The following IMMP2L variants were observed in gnomAD, a reference collection of about 807,000 sequenced individuals.
IMMP2L encodes the protein mitochondrial inner membrane protease subunit 2.
In IMMP2L, 18 loss-of-function variants were observed where a neutral mutation model predicts 19.3. The ratio of observed to expected loss-of-function variants is 0.93; its 90% CI spans 0.64 to 1.38. The LOEUF is 1.38. Among genes scored for constraint, IMMP2L ranks in the 40% most tolerant of loss-of-function variants. The pLI is 0.00. For synonymous variants in IMMP2L, 76 were observed against 73.0 expected, an observed-to-expected ratio of 1.04 and a Z score of -0.21; for missense variants, 233 against 218.2, an observed-to-expected ratio of 1.07 and a Z score of -0.43.
chr7:110,992,274 C>T (rs555417712), intron 3 of IMMP2L, among the ~76,000 whole-genome samples: 1 of 152,042 alleles, frequency 6.6e-6, no homozygotes, highest in East Asian at 1.9e-4. Flanking sequence ...TGGCAACATG[C>T]TTACTAAAGT....
chr7:110,751,146 T>C (rs1215340627), intron 5 of IMMP2L, among the ~76,000 whole-genome samples: 2 of 151,810 alleles, frequency 1.3e-5, no homozygotes, highest in African/African-American at 4.8e-5. Context: ...ATCTTTCCAC[T>C]TCGTCCCTCA....
At chr7:110,680,988 C>T (rs1438216662) in intron 5 of IMMP2L, among the ~76,000 whole-genome samples, 2 of 151,874 alleles carry the variant, frequency 1.3e-5, no homozygotes, top group East Asian at 3.9e-4. Flanking sequence ...GTTTTCGTTG[C>T]AATTTTTCTG....
intron 3 of IMMP2L, among the ~76,000 whole-genome samples, chr7:111,281,635 C>G (rs1042460245): frequency 6.6e-6 from 1 of 152,090 alleles, no homozygotes; most frequent in African/African-American, 2.4e-5. Flanking sequence ...TTATTTTTGT[C>G]AAAACTAAGA....
At chr7:110,987,900 T>C (rs1210328252) in intron 3 of IMMP2L, among the ~76,000 whole-genome samples, 12 of 152,136 alleles carry the variant, frequency 7.9e-5, no homozygotes, top group Admixed American at 7.9e-4. Flanking sequence ...AATAGTCTAC[T>C]AAAATAAAAA....
intron 3 of IMMP2L, among the ~76,000 whole-genome samples, chr7:111,079,140 C>A (rs1374542816): frequency 6.8e-6 from 1 of 147,028 alleles, no homozygotes; most frequent in Non-Finnish European, 1.5e-5. Flanking sequence ...TTTTTTGAGA[C>A]GGAGTCTCGC....
rs527548518 is a variant in IMMP2L, at chr7:110,693,918, A to G, written c.409-30197T>C. Among the ~76,000 whole-genome samples, 4 of 152,096 alleles carry G rather than the reference A, an allele frequency of 2.6e-5. No individual in the cohort carries two copies. In the East Asian group the frequency reaches 5.8e-4, roughly 22 times the overall value. Reference sequence around the variant, plus strand: ...CAATAATGCAAGGGAGGCTATAGAGACCCTCGCAAGTGGGAGGCCATGTGT... The same window carrying G: ...CAATAATGCAAGGGAGGCTATAGAGGCCCTCGCAAGTGGGAGGCCATGTGT... On this transcript the variant is annotated intron_variant, in intron 5 of 5. Coordinates refer to ENST00000405709, the MANE Select transcript of IMMP2L (RefSeq NM_032549.4).
chr7:111,267,592 C>G (rs1340401191), intron 3 of IMMP2L, among the ~76,000 whole-genome samples: 1 of 152,154 alleles, frequency 6.6e-6, no homozygotes, highest in Non-Finnish European at 1.5e-5. Flanking sequence ...TCCCAATTCT[C>G]TCACCGATTT....
intron 3 of IMMP2L, among the ~76,000 whole-genome samples, chr7:111,032,184 G>A (rs1051475504): frequency 3.3e-5 from 5 of 152,030 alleles, no homozygotes; most frequent in Admixed American, 2.0e-4. Context: ...TAAGGTATCC[G>A]CCTATCTTGG....
intron 3 of IMMP2L, among the ~76,000 whole-genome samples, chr7:111,443,839 G>C (rs1166683203): frequency 6.6e-6 from 1 of 151,964 alleles, no homozygotes; most frequent in East Asian, 1.9e-4. Flanking sequence ...GAAAGGGGTG[G>C]AAAGTTAAAA....
chr7:111,465,387 T>C (rs535149446), intron 3 of IMMP2L, among the ~76,000 whole-genome samples: 2 of 151,766 alleles, frequency 1.3e-5, no homozygotes, highest in East Asian at 1.9e-4. Context: ...AAACCCCTAC[T>C]TCAGCCAAAG....
chr7:111,289,904 A>G (rs1392926261), intron 3 of IMMP2L, among the ~76,000 whole-genome samples: 1 of 152,004 alleles, frequency 6.6e-6, no homozygotes, highest in Non-Finnish European at 1.5e-5. Context: ...CATAAATTTA[A>G]AGGCCATTTG....
chr7:110,768,330 G>A (rs942715242), intron 5 of IMMP2L, among the ~76,000 whole-genome samples: 1 of 149,184 alleles, frequency 6.7e-6, no homozygotes, highest in Non-Finnish European at 1.5e-5. Flanking sequence ...AAAAAAGAAT[G>A]ACCACAGTAA....
chr7:111,362,727 TCAATACCAATAC>T (rs200641387), intron 3 of IMMP2L, among the ~76,000 whole-genome samples: 1 of 152,090 alleles, frequency 6.6e-6, no homozygotes, highest in Non-Finnish European at 1.5e-5. Context: ...ATTCACTTTT[TCAATACCAATAC>T]CAATACCAAT....
intron 5 of IMMP2L, among the ~76,000 whole-genome samples, chr7:110,665,627 G>C (rs1452436816): frequency 2.0e-5 from 3 of 152,110 alleles, no homozygotes; most frequent in African/African-American, 7.2e-5. Context: ...AAGCTGCCTT[G>C]TAAAATGTCA....
rs1385719101 is a variant in IMMP2L, at chr7:110,849,798, G to T, written c.408+36795C>A. 2.0e-5 allele frequency among the ~76,000 whole-genome samples: 3 copies of T among 152,058 alleles called. No individual in the cohort carries two copies. The East Asian group carries it at 5.8e-4, about 29-fold the overall frequency. ...TTTTAACCCACTAATTCTACCTCTA[G>T]AAATCTGCTTTATGGTAGTTATCAG... On this transcript the variant is annotated intron_variant, in intron 5 of 5. Coordinates refer to ENST00000405709, the MANE Select transcript of IMMP2L (RefSeq NM_032549.4).
chr7:110,979,257 G>A (rs541212989), intron 3 of IMMP2L, among the ~76,000 whole-genome samples: 2 of 152,148 alleles, frequency 1.3e-5, no homozygotes, highest in East Asian at 3.9e-4. Context: ...CTACAAATTT[G>A]TCTGAAGACA....
chr7:110,671,743 T>G (rs1791936267), intron 5 of IMMP2L, among the ~76,000 whole-genome samples: 1 of 152,012 alleles, frequency 6.6e-6, no homozygotes. Flanking sequence ...TTCAGGTAGT[T>G]TCACCCTCTC....
chr7:111,209,674 T>A (rs1334329805), intron 3 of IMMP2L, among the ~76,000 whole-genome samples: 1 of 152,244 alleles, frequency 6.6e-6, no homozygotes, highest in East Asian at 1.9e-4. Context: ...AACATAATTG[T>A]GTTAAATAAG....
intron 5 of IMMP2L, among the ~76,000 whole-genome samples, chr7:110,664,172 A>C (rs1212872844): frequency 6.6e-6 from 1 of 152,142 alleles, no homozygotes; most frequent in Non-Finnish European, 1.5e-5. Flanking sequence ...ATATTCTCAG[A>C]GTTTCCCGCA....
Sources: allele counts gnomAD v4.1 joint callset (sites outside exome capture counted in the v4.1 genomes callset), GRCh38; gene constraint gnomAD v4.1.1; transcripts MANE v1.5; gene names NCBI Gene and HGNC (gene_info 2026-07-23, HGNC 2026-07-21).